JMJD1C: variants seen among roughly 807,000 people sequenced by gnomAD.
JMJD1C encodes jumonji domain containing 1C.
Under a neutral mutation model 245.3 loss-of-function variants are expected in JMJD1C, and 31 were observed. The observed-to-expected ratio is 0.13, with a 90% CI of 0.09 to 0.17. The LOEUF is 0.17. JMJD1C is among the 10% of genes least tolerant of loss of function. The pLI is 1.00. For synonymous variants in JMJD1C, 1,057 were observed against 1,017.4 expected (o/e 1.04, Z -0.74); for missense variants, 2,691 against 3,000.2 (o/e 0.90, Z 2.41).
chr10:63,440,941 A>C (rs565245037), intron 1 of JMJD1C, among the ~76,000 whole-genome samples: 1 of 152,318 alleles, frequency 6.6e-6, no homozygotes, highest in Admixed American at 6.5e-5. Flanking sequence ...ACAAGTTAAC[A>C]GTTATGAAGA....
At chr10:63,474,672 A>G (rs1051325952) in intron 1 of JMJD1C, among the ~76,000 whole-genome samples, 3 of 152,036 alleles carry the variant, frequency 2.0e-5, no homozygotes, top group African/African-American at 7.3e-5. Flanking sequence ...GCTTGTCTCA[A>G]ATTCTGGCGT....
chr10:63,324,075 G>A (rs1941245233), intron 2 of JMJD1C, among the ~76,000 whole-genome samples: 1 of 150,030 alleles, frequency 6.7e-6, no homozygotes, highest in African/African-American at 2.5e-5. Flanking sequence ...GCCCCCAAAG[G>A]ATGGACAATA....
intron 2 of JMJD1C, among the ~76,000 whole-genome samples, chr10:63,283,367 C>CTT (rs34629226): frequency 6.4e-4 from 78 of 122,552 alleles, no homozygotes; most frequent in African/African-American, 1.9e-3. Context: ...CTTTCTGAGC[C>CTT]TTTTTTTTTT....
intron 1 of JMJD1C, among the ~76,000 whole-genome samples, chr10:63,484,231 TGG>T (rs1491093407): frequency 1.1e-4 from 7 of 61,564 alleles, no homozygotes; most frequent in African/African-American, 2.9e-4. Flanking sequence ...GATGGATGGA[TGG>T]ATGGATAGAT....
chr10:63,465,388 G>C, intron 1 of JMJD1C, 107 bp downstream of exon 1: 1 of 1,182,220 alleles, frequency 8.5e-7, no homozygotes, highest in Non-Finnish European at 1.2e-6. Context: ...GGGCGTGACC[G>C]CCAGTTGGCC....
At chr10:63,315,739 C>G (rs1939925749) in intron 2 of JMJD1C, among the ~76,000 whole-genome samples, 1 of 149,356 alleles carries the variant, frequency 6.7e-6, no homozygotes, top group African/African-American at 2.5e-5. Flanking sequence ...ACTTGGGAGG[C>G]TGAGGAAGGG....
chr10:63,323,310 G>C (rs557257665), intron 2 of JMJD1C, among the ~76,000 whole-genome samples: 2 of 152,264 alleles, frequency 1.3e-5, no homozygotes, highest in African/African-American at 4.8e-5. Context: ...GATCACTTGA[G>C]GTCAGGAGTT....
intron 2 of JMJD1C, among the ~76,000 whole-genome samples, chr10:63,347,841 G>A (rs1458812339): frequency 6.6e-6 from 1 of 151,886 alleles, no homozygotes; most frequent in Middle Eastern, 3.5e-3. Flanking sequence ...TTCAACCCAG[G>A]GGGTGGAAGT....
At chr10:63,244,220 C>T (rs1851876530) in intron 3 of JMJD1C, among the ~76,000 whole-genome samples, 1 of 152,130 alleles carries the variant, frequency 6.6e-6, no homozygotes, top group South Asian at 2.1e-4. Context: ...ATTAGTTCCA[C>T]AGGTACCCGA....
At chr10:63,212,954 G>A (rs190188713) in intron 8 of JMJD1C, among the ~76,000 whole-genome samples, 2,519 of 151,214 alleles carry the variant, frequency 0.017, 41 homozygotes, top group Non-Finnish European at 0.027. Context: ...TTGGGAGGCC[G>A]AGACAGACGG....
intron 2 of JMJD1C, among the ~76,000 whole-genome samples, chr10:63,373,564 G>A (rs1055117666): frequency 6.6e-6 from 1 of 152,080 alleles, no homozygotes; most frequent in African/African-American, 2.4e-5. Context: ...AGTACCACAC[G>A]AGGAGTGAAA....
intron 10 of JMJD1C, among the ~76,000 whole-genome samples, chr10:63,201,657 C>T (rs186071152): frequency 3.9e-5 from 6 of 152,244 alleles, no homozygotes; most frequent in African/African-American, 1.2e-4. Context: ...TGGCCGGGCA[C>T]GGTGGCTCAT....
chr10:63,178,681 T>A lies in JMJD1C; in HGVS notation c.7085-825A>T, dbSNP rs567013622. Among the ~76,000 whole-genome samples, 8 of 152,350 alleles carry A rather than the reference T, an allele frequency of 5.3e-5. 1 individual carries two copies. Among genetic ancestry groups the A allele is most frequent in the Admixed American group, 5.2e-4 (8 of 15,302 alleles). The stretch of plus-strand genomic sequence containing the variant: ...TGATAATGGTTAATCTGTAATCAAA[T>A]GCAAATGTTTCACGAACAAAGTTGT... On this transcript the variant is annotated intron_variant, in intron 22 of 25. Coordinates refer to ENST00000399262, the MANE Select transcript of JMJD1C (RefSeq NM_032776.3).
At chr10:63,340,185 C>T (rs959558426) in intron 2 of JMJD1C, among the ~76,000 whole-genome samples, 1 of 152,178 alleles carries the variant, frequency 6.6e-6, no homozygotes, top group Admixed American at 6.6e-5. Flanking sequence ...TGTGACAATT[C>T]ACAGACAAAA....
intron 8 of JMJD1C, among the ~76,000 whole-genome samples, chr10:63,211,464 CAAAAAA>C (rs71025124): frequency 2.9e-5 from 3 of 103,448 alleles, no homozygotes; most frequent in Non-Finnish European, 6.0e-5. Flanking sequence ...GACTCCATCT[CAAAAAA>C]AAAAAAAAAA....
At chr10:63,314,448 T>C (rs1254759691) in intron 2 of JMJD1C, among the ~76,000 whole-genome samples, 40 of 152,268 alleles carry the variant, frequency 2.6e-4, no homozygotes, top group Admixed American at 2.6e-3. Context: ...TAGTCCCAGC[T>C]ACTTGGGAGA....
At chr10:63,306,037 T>TA (rs1320636972) in intron 2 of JMJD1C, among the ~76,000 whole-genome samples, 3 of 151,980 alleles carry the variant, frequency 2.0e-5, no homozygotes, top group Non-Finnish European at 2.9e-5. Flanking sequence ...CCCCATCTCT[T>TA]AAAAAAAGAA....
At chr10:63,327,943 T>C (rs908091661) in intron 2 of JMJD1C, among the ~76,000 whole-genome samples, 1 of 152,052 alleles carries the variant, frequency 6.6e-6, no homozygotes, top group African/African-American at 2.4e-5. Flanking sequence ...GTACTGGGAT[T>C]ACAGGTGTGA....
At chr10:63,422,572 A>G (rs979700643) in intron 1 of JMJD1C, among the ~76,000 whole-genome samples, 3 of 152,160 alleles carry the variant, frequency 2.0e-5, no homozygotes, top group African/African-American at 7.2e-5. Flanking sequence ...ATTAATTCTA[A>G]TCATATATAT....
Sources: allele counts gnomAD v4.1 joint callset (sites outside exome capture counted in the v4.1 genomes callset), GRCh38; gene constraint gnomAD v4.1.1; transcripts MANE v1.5; gene names NCBI Gene and HGNC (gene_info 2026-07-23, HGNC 2026-07-21).